Variants in RTN4 observed in about 807,000 individuals in gnomAD.
RTN4 encodes reticulon-4.
Under a neutral mutation model 90.4 loss-of-function variants are expected in RTN4, and 32 were observed. The observed-to-expected ratio is 0.35, with a 90% CI of 0.27 to 0.48. The LOEUF is 0.48. RTN4 is among the 20% of genes least tolerant of loss of function. The pLI, the probability that RTN4 is intolerant of heterozygous loss-of-function variation, is 0.99. For synonymous variants in RTN4, 629 were observed against 552.5 expected (o/e 1.14, Z -1.94); for missense variants, 1,706 against 1,430.2 (o/e 1.19, Z -3.11).
intron 1 of RTN4, among the ~76,000 whole-genome samples, chr2:55,038,887 T>C (rs955584548): frequency 6.6e-6 from 1 of 152,254 alleles, no homozygotes; most frequent in African/African-American, 2.4e-5. Context: ...TAAACTGTGC[T>C]ATTCTTAGCA....
At chr2:55,137,717 T>G in the RTN4 span, among the ~76,000 whole-genome samples, 1 of 152,066 alleles carries the variant, frequency 6.6e-6, no homozygotes, top group Non-Finnish European at 1.5e-5. Context: ...GTCTCCCCCA[T>G]GGCGCTCTCT....
At position 55,049,801 on chromosome 2, in the gene RTN4, G is replaced by A; in HGVS notation, c.500C>T (p.Ala167Val). ...PVWTPPAPAP[A>V]APPSTPAAPK... The stretch of plus-strand genomic sequence containing the variant: ...CGCGGCCGGGGTGGAGGGGGGCGCG[G>A]CGGGAGCCGGGGCTGGCGGGGTCCA... The change falls in exon 1 of 9, where the codon GCC becomes GTC. Residue 167 changes from alanine (A) to valine (V), a missense_variant. By Grantham distance (64) the Ala-to-Val change is moderately conservative (BLOSUM62 0). Transcript: ENST00000337526. The A allele has an allele frequency of 7.6e-7, 1 of 1,307,210 alleles. No individual in the cohort carries two copies. Among genetic ancestry groups the A allele is most frequent in the Non-Finnish European group, 9.7e-7 (1 of 1,030,188 alleles). The allele number at this position is 1,307,210 out of a possible 1,614,324, so 81.0% of individuals were successfully genotyped here.
intron 3 of RTN4, among the ~76,000 whole-genome samples, chr2:54,991,999 C>T (rs10084445): frequency 0.12 from 17,509 of 152,220 alleles, 1,495 homozygotes; most frequent in African/African-American, 0.24. Flanking sequence ...TTATGCCAAA[C>T]ACTGCAGTAG....
At position 55,025,258 on chromosome 2, in the gene RTN4, C is replaced by G; in HGVS notation, c.2841G>C (p.Lys947Asn). The G allele has an allele frequency of 3.1e-6, 5 of 1,613,826 alleles. No individual in the cohort carries two copies. Among genetic ancestry groups the G allele is most frequent in the Non-Finnish European group, 3.4e-6 (4 of 1,179,858 alleles). Reference sequence around the variant, plus strand: ...AAACATCTGGAGGCAATAAGAGCACCTTTGATGTAGCAGACCCATTTTTAG... The same window carrying G: ...AAACATCTGGAGGCAATAAGAGCACGTTTGATGTAGCAGACCCATTTTTAG... ...DFSKNGSATS[K>N]VLLLPPDVSA... The change falls in exon 3 of 9, where the codon AAG (lysine) becomes AAC (asparagine). Residue 947 changes from lysine (K) to asparagine (N), a missense_variant. Lys to Asn is a moderately conservative substitution (Grantham distance 94, BLOSUM62 0). Coordinates refer to ENST00000337526, the MANE Select transcript of RTN4 (RefSeq NM_020532.5).
chr2:55,128,988 A>G, the RTN4 span, among the ~76,000 whole-genome samples: 2 of 151,900 alleles, frequency 1.3e-5, no homozygotes, highest in South Asian at 4.2e-4. Context: ...GGCGCCTGTA[A>G]TCCCAGCTAC....
intron 1 of RTN4, among the ~76,000 whole-genome samples, chr2:55,042,702 ATAT>A (rs754728828): frequency 3.3e-5 from 5 of 152,222 alleles, no homozygotes; most frequent in East Asian, 3.8e-4. Context: ...TTGAGAGAAG[ATAT>A]TATAGTAATT....
Position 55,026,214 on chromosome 2 carries a change from C to A in RTN4, c.1885G>T (p.Ala629Ser). 1 of 1,613,720 alleles carries A rather than the reference C, an allele frequency of 6.2e-7. No individual in the cohort carries two copies. Among genetic ancestry groups the A allele is most frequent in the Non-Finnish European group, 8.5e-7 (1 of 1,179,878 alleles). The stretch of plus-strand genomic sequence containing the variant: ...GATGAGCTGGGCTGTATCACGGAAG[C>A]ACCAGCACTAGGAACTGCAGAATTC... ...PLNSAVPSAG[A>S]SVIQPSSSPL... Residue 629 changes from alanine (A) to serine (S), a missense_variant, in exon 3 of 9, where the codon GCT becomes TCT. Transcript: ENST00000337526.
upstream of RTN4, among the ~76,000 whole-genome samples, chr2:55,055,725 G>A (rs1171808031): frequency 4.0e-5 from 6 of 150,470 alleles, no homozygotes; most frequent in South Asian, 4.2e-4. Flanking sequence ...AGCAGAGATC[G>A]CGCCACTGCA....
intron 1 of RTN4, among the ~76,000 whole-genome samples, chr2:55,040,593 C>T (rs1014557540): frequency 1.8e-4 from 28 of 152,126 alleles, no homozygotes; most frequent in Admixed American, 1.8e-3. Context: ...CTTAAGTAAG[C>T]TTCTCTCTTT....
chr2:54,977,901 G>T (rs1314346970), intron 5 of RTN4, among the ~76,000 whole-genome samples: 1 of 152,098 alleles, frequency 6.6e-6, no homozygotes, highest in Non-Finnish European at 1.5e-5. Context: ...ATTCGCCCAA[G>T]TCAACCACCA....
chr2:55,047,014 G>C (rs1667789234), intron 1 of RTN4: 1 of 152,172 alleles, frequency 6.6e-6, no homozygotes, highest in Admixed American at 6.5e-5. Context: ...TACAAGATTA[G>C]TATGCTTTTG....
chr2:55,036,197 CA>C (rs1682668949), intron 1 of RTN4, among the ~76,000 whole-genome samples: 1 of 151,986 alleles, frequency 6.6e-6, no homozygotes, highest in African/African-American at 2.4e-5. Context: ...ACCACACATG[CA>C]AAAAATCTTC....
chr2:55,121,112 G>C, the RTN4 span, among the ~76,000 whole-genome samples: 2 of 152,220 alleles, frequency 1.3e-5, no homozygotes, highest in Non-Finnish European at 2.9e-5. Context: ...ACAGCTCTAT[G>C]TCCTGAGACT....
In RTN4 at chr2:55,027,445, C is replaced by A. The variant is rs138402788; in HGVS notation, c.654G>T (p.Ser218=). 1.2e-6 allele frequency: 2 copies of A among 1,612,402 alleles called. No individual in the cohort carries two copies. Among genetic ancestry groups the A allele is most frequent in the African/African-American group, 1.3e-5 (1 of 74,918 alleles). Residue 218 remains serine, a synonymous_variant, in exon 3 of 9, where the codon TCG becomes TCT. Coordinates refer to ENST00000337526, the MANE Select transcript of RTN4 (RefSeq NM_020532.5). The part of the protein sequence containing the change: ...DLKEQPGNTI[S]AGQEDFPSVL... ...CAGATGGGAAATCCTCTTGACCAGCCGAAATAGTGTTACCTGGCTGCTCCT... is the reference window on the plus strand; with the variant it reads ...CAGATGGGAAATCCTCTTGACCAGCAGAAATAGTGTTACCTGGCTGCTCCT...
At chr2:55,040,572 G>C (rs764734196) in intron 1 of RTN4, among the ~76,000 whole-genome samples, 5 of 152,144 alleles carry the variant, frequency 3.3e-5, no homozygotes, top group Admixed American at 1.3e-4. Flanking sequence ...CACGTAGGCA[G>C]ACCTGGAATC....
intron 1 of RTN4, among the ~76,000 whole-genome samples, chr2:55,028,548 C>T (rs935436309): frequency 1.3e-5 from 2 of 152,164 alleles, no homozygotes; most frequent in Non-Finnish European, 1.5e-5. Flanking sequence ...AGCTTTCACT[C>T]AGGTTTTCAC....
chr2:55,079,689 C>G (rs1312735431), intron 2 of RTN4, among the ~76,000 whole-genome samples: 3 of 152,154 alleles, frequency 2.0e-5, no homozygotes, highest in Admixed American at 6.5e-5. Context: ...GATCAGAGAC[C>G]AGCAATTTTC....
intron 1 of RTN4, among the ~76,000 whole-genome samples, chr2:55,098,371 C>T (rs1667789063): frequency 6.6e-6 from 1 of 152,056 alleles, no homozygotes; most frequent in Non-Finnish European, 1.5e-5. Context: ...TTTTTAAAAA[C>T]ATTTTATTAT....
At chr2:55,046,202 CA>C (rs1667711994) in intron 1 of RTN4, among the ~76,000 whole-genome samples, 2 of 152,328 alleles carry the variant, frequency 1.3e-5, no homozygotes, top group South Asian at 2.1e-4. Flanking sequence ...ACCTTTGTCT[CA>C]CATCAGTCCT....
Sources: allele counts gnomAD v4.1 joint callset (sites outside exome capture counted in the v4.1 genomes callset), GRCh38; gene constraint gnomAD v4.1.1; transcripts MANE v1.5; gene names NCBI Gene and HGNC (gene_info 2026-07-23, HGNC 2026-07-21).